The following LSAMP variants were observed in gnomAD, a reference collection of about 807,000 sequenced individuals.
LSAMP encodes the protein limbic system associated membrane protein.
In LSAMP, 7 loss-of-function variants were observed where a neutral mutation model predicts 38.6. That is an observed-to-expected ratio of 0.18 (90% CI 0.10 to 0.34). The LOEUF (loss-of-function observed/expected upper bound fraction) is 0.34. Among genes scored for constraint, LSAMP ranks in the 10% least tolerant of loss-of-function variants. LSAMP has a pLI of 1.00. For synonymous variants in LSAMP, 154 were observed against 166.8 expected (o/e 0.92, Z 0.59); for missense variants, 313 against 420.0 (o/e 0.75, Z 2.23).
At chr3:116,403,669 A>G (rs548077521) in intron 1 of LSAMP, among the ~76,000 whole-genome samples, 1 of 152,272 alleles carries the variant, frequency 6.6e-6, no homozygotes, top group Non-Finnish European at 1.5e-5. Flanking sequence ...TTTTCTCAAG[A>G]TTTATGCAGT....
chr3:115,848,756 T>C (rs919272045), intron 4 of LSAMP, among the ~76,000 whole-genome samples: 3 of 152,220 alleles, frequency 2.0e-5, no homozygotes, highest in South Asian at 4.1e-4. Flanking sequence ...GAAGTGACAA[T>C]GTGAACCTAT....
chr3:115,869,602 T>C (rs532075157), intron 3 of LSAMP, among the ~76,000 whole-genome samples: 1 of 152,264 alleles, frequency 6.6e-6, no homozygotes, highest in African/African-American at 2.4e-5. Flanking sequence ...TCTAGTACTT[T>C]ACTTTTGAAT....
intron 3 of LSAMP, among the ~76,000 whole-genome samples, chr3:115,993,941 C>G (rs1939744592): frequency 6.6e-6 from 1 of 152,058 alleles, no homozygotes; most frequent in South Asian, 2.1e-4. Flanking sequence ...GCAGAGATGT[C>G]TTCTAGGTTT....
intron 1 of LSAMP, among the ~76,000 whole-genome samples, chr3:116,121,867 T>C (rs1270781347): frequency 6.8e-6 from 1 of 147,678 alleles, no homozygotes; most frequent in Non-Finnish European, 1.5e-5. Flanking sequence ...TCTTAAAACA[T>C]TATGAGATTT....
intron 6 of LSAMP, among the ~76,000 whole-genome samples, chr3:115,838,367 G>A (rs2107497291): frequency 6.6e-6 from 1 of 152,264 alleles, no homozygotes; most frequent in South Asian, 2.1e-4. Flanking sequence ...CTTTGTGGGT[G>A]AATTTTAGTT....
chr3:115,997,667 G>A (rs969346563), intron 3 of LSAMP, among the ~76,000 whole-genome samples: 1 of 143,916 alleles, frequency 6.9e-6, no homozygotes, highest in Admixed American at 7.2e-5. Flanking sequence ...GCAGGACTGT[G>A]TAGCTAGGGT....
chr3:116,421,328 G>A (rs1033745503), intron 1 of LSAMP, among the ~76,000 whole-genome samples: 1 of 152,132 alleles, frequency 6.6e-6, no homozygotes, highest in Non-Finnish European at 1.5e-5. Context: ...CCAGCACTTT[G>A]GGAGGCTGAG....
chr3:116,240,953 A>G (rs888916534), intron 1 of LSAMP, among the ~76,000 whole-genome samples: 1 of 152,098 alleles, frequency 6.6e-6, no homozygotes, highest in Non-Finnish European at 1.5e-5. Flanking sequence ...AGGCTGGCGG[A>G]TCACCTGAGG....
intron 1 of LSAMP, among the ~76,000 whole-genome samples, chr3:116,185,181 TTTTG>T (rs1710585278): frequency 6.6e-6 from 1 of 151,916 alleles, no homozygotes; most frequent in Non-Finnish European, 1.5e-5. Flanking sequence ...CAGCATCAGT[TTTTG>T]TTTAAATATA....
At chr3:116,220,602 C>T (rs564180867) in intron 1 of LSAMP, among the ~76,000 whole-genome samples, 1 of 152,216 alleles carries the variant, frequency 6.6e-6, no homozygotes, top group East Asian at 1.9e-4. Flanking sequence ...ATTTCTTATT[C>T]CTTTCAGGTG....
intron 3 of LSAMP, among the ~76,000 whole-genome samples, chr3:115,866,427 T>C (rs748734725): frequency 2.0e-5 from 3 of 152,094 alleles, no homozygotes; most frequent in Non-Finnish European, 2.9e-5. Flanking sequence ...TGAGAATAGG[T>C]CATTTACACC....
chr3:116,056,586 A>T (rs1941494277), intron 2 of LSAMP, among the ~76,000 whole-genome samples: 1 of 152,172 alleles, frequency 6.6e-6, no homozygotes, highest in African/African-American at 2.4e-5. Flanking sequence ...ACTAGTTCTA[A>T]TTAACTCTCT....
chr3:116,316,111 G>A (rs1023621182), intron 1 of LSAMP, among the ~76,000 whole-genome samples: 1 of 152,196 alleles, frequency 6.6e-6, no homozygotes, highest in African/African-American at 2.4e-5. Flanking sequence ...CCTGTAGTGG[G>A]ACCTAGAGAG....
chr3:116,051,986 A>C (rs1384697132), intron 2 of LSAMP, among the ~76,000 whole-genome samples: 2 of 152,234 alleles, frequency 1.3e-5, no homozygotes, highest in East Asian at 3.8e-4. Context: ...AAGAAGTGCT[A>C]AGATGTGAAG....
intron 1 of LSAMP, among the ~76,000 whole-genome samples, chr3:116,400,362 T>TCTTC (rs1332876443): frequency 2.0e-5 from 3 of 151,966 alleles, no homozygotes; most frequent in African/African-American, 7.3e-5. Flanking sequence ...CCTCTTTCTT[T>TCTTC]CTTCCTTCCT....
chr3:116,269,520 G>A (rs544333230), intron 1 of LSAMP, among the ~76,000 whole-genome samples: 2 of 152,130 alleles, frequency 1.3e-5, no homozygotes, highest in South Asian at 4.1e-4. Flanking sequence ...TAAACCTAAT[G>A]GCACTGCTGT....
chr3:116,231,260 G>C (rs141376732), intron 1 of LSAMP, among the ~76,000 whole-genome samples: 23 of 152,222 alleles, frequency 1.5e-4, no homozygotes, highest in African/African-American at 5.5e-4. Flanking sequence ...CTTTACATAG[G>C]ACACAGTTCT....
intron 3 of LSAMP, among the ~76,000 whole-genome samples, chr3:115,979,916 A>G (rs892910352): frequency 6.6e-6 from 1 of 152,142 alleles, no homozygotes; most frequent in African/African-American, 2.4e-5. Flanking sequence ...AGTGAGGCTT[A>G]TAATTTTTCT....
rs1307538828 is a variant in LSAMP, at chr3:116,207,161, G to T, written c.156-120605C>A. Among the ~76,000 whole-genome samples, 486 of 151,776 alleles carry T rather than the reference G, an allele frequency of 3.2e-3. 2 individuals are homozygous for T. The highest frequency in any genetic ancestry group is 0.011 in the African/African-American group (457 of 41,414). On this transcript the variant is annotated intron_variant, in intron 1 of 6. Coordinates refer to ENST00000490035, the MANE Select transcript of LSAMP (RefSeq NM_002338.5). ...TTGATCCCTTTACCATTATGTAATGGCCTTCTTTGTCTCTTTTGATCTTTG... is the reference window on the plus strand; with the variant it reads ...TTGATCCCTTTACCATTATGTAATGTCCTTCTTTGTCTCTTTTGATCTTTG...
Sources: allele counts gnomAD v4.1 joint callset (sites outside exome capture counted in the v4.1 genomes callset), GRCh38; gene constraint gnomAD v4.1.1; transcripts MANE v1.5; gene names NCBI Gene and HGNC (gene_info 2026-07-23, HGNC 2026-07-21).